The following LGSN variants were observed in gnomAD, a reference collection of about 807,000 sequenced individuals.
The protein encoded by LGSN is lengsin, lens protein with glutamine synthetase domain.
Under a neutral mutation model 19.5 loss-of-function variants are expected in LGSN, and 21 were observed. That is an observed-to-expected ratio of 1.07 (90% confidence interval 0.76 to 1.55). LGSN has a LOEUF of 1.55. LGSN is among the 40% of genes most tolerant of loss of function. LGSN has a pLI of 0.00. For synonymous variants in LGSN, 257 were observed against 215.6 expected (o/e 1.19, Z -1.68); for missense variants, 673 against 608.5 (o/e 1.11, Z -1.12).
the LGSN span, among the ~76,000 whole-genome samples, chr6:63,545,421 C>A: frequency 9.3e-4 from 142 of 152,004 alleles, no homozygotes; most frequent in African/African-American, 3.4e-3. Flanking sequence ...ACCAGGCTGG[C>A]CAACAGGGTG....
the LGSN span, among the ~76,000 whole-genome samples, chr6:63,563,349 G>C: frequency 6.6e-6 from 1 of 152,102 alleles, no homozygotes; most frequent in African/African-American, 2.4e-5. Context: ...CAGTCCCTCA[G>C]GTCTTCCAAC....
the LGSN span, among the ~76,000 whole-genome samples, chr6:63,464,502 C>T: frequency 2.8e-4 from 42 of 149,772 alleles, no homozygotes; most frequent in African/African-American, 9.3e-4. Context: ...AGTACCTAGC[C>T]TCACTTAGCT....
the LGSN span, among the ~76,000 whole-genome samples, chr6:63,526,868 A>G: frequency 2.7e-5 from 4 of 146,212 alleles, no homozygotes; most frequent in Admixed American, 1.4e-4. Flanking sequence ...GGGCTTCCAT[A>G]GGATGCATTA....
chr6:63,540,470 A>T, the LGSN span, among the ~76,000 whole-genome samples: 5 of 151,710 alleles, frequency 3.3e-5, no homozygotes, highest in African/African-American at 1.2e-4. Context: ...AAAGTACAAA[A>T]ATTAGCCGGG....
chr6:63,501,375 A>T, the LGSN span, among the ~76,000 whole-genome samples: 1 of 151,820 alleles, frequency 6.6e-6, no homozygotes, highest in South Asian at 2.1e-4. Context: ...AAAAAAAAAA[A>T]AAATTAGAGG....
At chr6:63,354,147 A>G in the LGSN span, among the ~76,000 whole-genome samples, 1 of 152,284 alleles carries the variant, frequency 6.6e-6, no homozygotes, top group South Asian at 2.1e-4. Flanking sequence ...AGACAATGGT[A>G]CCATATTAAA....
the LGSN span, chr6:63,572,769 C>T: frequency 2.5e-6 from 1 of 398,154 alleles, no homozygotes; most frequent in Non-Finnish European, 4.4e-6. Flanking sequence ...CCACGACCGG[C>T]CCCCCATCCC....
At chr6:63,326,764 C>A in the LGSN span, among the ~76,000 whole-genome samples, 8 of 152,256 alleles carry the variant, frequency 5.3e-5, no homozygotes, top group Admixed American at 1.3e-4. Flanking sequence ...GCCTGCCAAG[C>A]CCACGCCCAC....
the LGSN span, among the ~76,000 whole-genome samples, chr6:63,384,536 T>A: frequency 8.4e-3 from 1,245 of 147,558 alleles, 22 homozygotes; most frequent in African/African-American, 0.029. Flanking sequence ...TGTGTGTGTG[T>A]GATGGAGTTT....
At chr6:63,482,223 T>A in the LGSN span, among the ~76,000 whole-genome samples, 1 of 152,196 alleles carries the variant, frequency 6.6e-6, no homozygotes, top group East Asian at 1.9e-4. Context: ...GTAAGCTTCA[T>A]GAGAACCTGA....
the LGSN span, among the ~76,000 whole-genome samples, chr6:63,541,042 G>A: frequency 1.3e-5 from 2 of 150,042 alleles, no homozygotes; most frequent in Admixed American, 6.7e-5. Context: ...AGGAAGGAAG[G>A]AAGGAAGGAA....
the LGSN span, chr6:63,392,624 A>G: frequency 6.6e-6 from 1 of 152,180 alleles, no homozygotes; most frequent in Admixed American, 6.5e-5. Context: ...GCTCATCTGA[A>G]CGCTGGTGTT....
chr6:63,557,145 G>A, the LGSN span, among the ~76,000 whole-genome samples: 19 of 152,348 alleles, frequency 1.2e-4, no homozygotes, highest in East Asian at 3.7e-3. Flanking sequence ...GAGAGAGATA[G>A]ATGACATTTA....
the LGSN span, among the ~76,000 whole-genome samples, chr6:63,391,258 G>T: frequency 0.016 from 2,405 of 152,278 alleles, 73 homozygotes; most frequent in African/African-American, 0.054. Context: ...ACATTTTCAA[G>T]TTATCTTAGT....
the LGSN span, among the ~76,000 whole-genome samples, chr6:63,461,074 G>GT: frequency 6.6e-6 from 1 of 152,064 alleles, no homozygotes; most frequent in Non-Finnish European, 1.5e-5. Flanking sequence ...GGTTTTTTGG[G>GT]TTTTTTCCCC....
At chr6:63,366,827 C>G in the LGSN span, among the ~76,000 whole-genome samples, 1 of 151,404 alleles carries the variant, frequency 6.6e-6, no homozygotes, top group Admixed American at 6.6e-5. Flanking sequence ...CTGACGAAAA[C>G]AAGCAATGGG....
chr6:63,281,274 G>T, intron 3 of LGSN, 54 bp from the exon 4 acceptor site: 2 of 1,281,844 alleles, frequency 1.6e-6, no homozygotes, highest in East Asian at 2.7e-5. Flanking sequence ...CAAAAGGGTC[G>T]GGGGGCGGCG....
intron 1 of LGSN, among the ~76,000 whole-genome samples, chr6:63,315,904 A>C (rs1768831488): frequency 6.6e-6 from 1 of 151,828 alleles, no homozygotes; most frequent in Non-Finnish European, 1.5e-5. Flanking sequence ...ATTTCAAGTG[A>C]GAGTTCAATA....
chr6:63,393,464 C>T, the LGSN span, among the ~76,000 whole-genome samples: 1 of 152,004 alleles, frequency 6.6e-6, no homozygotes, highest in African/African-American at 2.4e-5. Context: ...CAGGCGTGAG[C>T]CACCGCGCCT....
Sources: gnomAD v4.1 joint callset for allele counts (sites outside exome capture counted in the v4.1 genomes callset) on GRCh38, gnomAD v4.1.1 for gene constraint, MANE v1.5 for transcripts, NCBI Gene and HGNC (gene_info 2026-07-23, HGNC 2026-07-21) for gene names.